LNX1: variants seen among roughly 807,000 people sequenced by gnomAD.
The protein encoded by LNX1 is E3 ubiquitin-protein ligase LNX.
A neutral mutation model predicts 68.4 loss-of-function variants in LNX1; 54 were observed. That is an observed-to-expected ratio of 0.79 (90% CI 0.63 to 0.99). LNX1 has a LOEUF of 0.99. LNX1 is among the 50% of genes least tolerant of loss of function. LNX1 has a pLI of 0.00. For synonymous variants in LNX1, 336 were observed against 350.0 expected (o/e 0.96, Z 0.45); for missense variants, 906 against 926.4 (o/e 0.98, Z 0.29).
chr4:53,608,134 A>C (rs2590799), intron 2 of LNX1, among the ~76,000 whole-genome samples: 63,942 of 151,948 alleles, frequency 0.42, 13,406 homozygotes, highest in Admixed American at 0.45. Context: ...AGTTAAACTA[A>C]TGAGCATCTA....
At chr4:53,528,658 T>C (rs1727799546) in intron 2 of LNX1, among the ~76,000 whole-genome samples, 1 of 129,338 alleles carries the variant, frequency 7.7e-6, no homozygotes, top group Non-Finnish European at 1.7e-5. Context: ...CTGAGGGTCT[T>C]AGAACACATT....
intron 7 of LNX1, among the ~76,000 whole-genome samples, chr4:53,481,406 A>G (rs374477815): frequency 2.6e-5 from 4 of 152,368 alleles, no homozygotes; most frequent in Non-Finnish European, 4.4e-5. Flanking sequence ...AGTGAATAAA[A>G]TAAGTCCTCA....
intron 6 of LNX1, among the ~76,000 whole-genome samples, chr4:53,485,599 C>T (rs1464949470): frequency 6.6e-6 from 1 of 152,214 alleles, no homozygotes; most frequent in Non-Finnish European, 1.5e-5. Context: ...ATCTGTGGCT[C>T]TTACCAGCCA....
At chr4:53,538,346 G>T (rs1217935498) in intron 2 of LNX1, among the ~76,000 whole-genome samples, 1 of 152,140 alleles carries the variant, frequency 6.6e-6, no homozygotes, top group Non-Finnish European at 1.5e-5. Context: ...AATACCTTCT[G>T]GCAGCAGAGT....
intron 2 of LNX1, among the ~76,000 whole-genome samples, chr4:53,525,270 T>C (rs59822487): frequency 0.12 from 18,740 of 152,070 alleles, 1,346 homozygotes; most frequent in African/African-American, 0.21. Flanking sequence ...TCATTTGAGG[T>C]CAGGAGTTTG....
chr4:53,634,039 T>G (rs1473339144), intron 1 of LNX1, among the ~76,000 whole-genome samples: 1 of 152,150 alleles, frequency 6.6e-6, no homozygotes. Context: ...CTGAAACCAT[T>G]GCAAATCAGC....
chr4:53,560,049 T>C (rs1730177161), intron 2 of LNX1, among the ~76,000 whole-genome samples: 1 of 152,180 alleles, frequency 6.6e-6, no homozygotes, highest in South Asian at 2.1e-4. Context: ...ATTCTTTTCT[T>C]ATCCCTTCTT....
At position 53,476,802 on chromosome 4, in the gene LNX1, G is replaced by A. The variant is rs765543354; in HGVS notation, c.1843C>T (p.Pro615Ser). 1.1e-5 allele frequency: 17 copies of A among 1,614,034 alleles called. No individual in the cohort carries two copies. Among genetic ancestry groups the A allele is most frequent in the Non-Finnish European group, 1.4e-5 (17 of 1,180,028 alleles). Residue 615 changes from proline to serine, a missense_variant, in exon 9 of 11, where the codon CCA (proline) becomes TCA (serine). Pro to Ser is a moderately conservative substitution (Grantham distance 74). Transcript: ENST00000263925. ...CAGGATGGGGACCAGTCACTGGGTG[G>A]GGCCATGTTGTGGTTGGAGTCCAGG... The part of the protein sequence containing the change: ...AALDSNHNMA[P>S]PSDWSPSWVM...
intron 2 of LNX1, among the ~76,000 whole-genome samples, chr4:53,541,214 A>T (rs946959514): frequency 5.9e-5 from 9 of 152,096 alleles, no homozygotes; most frequent in South Asian, 4.1e-4. Context: ...TGATTTCAGG[A>T]TTCTCTAGTG....
rs1484560004 is a variant in LNX1, at chr4:53,554,932, A to C, written c.380+18691T>G. The stretch of plus-strand genomic sequence containing the variant: ...TGGGCCACATGCCAAATTTGAATCC[A>C]TGTACTGGATTAGTTCCAGCGTCTG... On this transcript the variant is annotated intron_variant, in intron 2 of 10. Transcript: ENST00000263925. Among the ~76,000 whole-genome samples the C allele has an allele frequency of 2.6e-5, 4 of 152,156 alleles. No individual in the cohort carries two copies. The East Asian group carries it at 7.7e-4, about 29-fold the overall frequency.
At chr4:53,519,878 G>T (rs1727085170) in intron 2 of LNX1, among the ~76,000 whole-genome samples, 1 of 152,188 alleles carries the variant, frequency 6.6e-6, no homozygotes, top group South Asian at 2.1e-4. Flanking sequence ...ATCTCAGATT[G>T]CCCAGGACTG....
rs1478672074 is a variant in LNX1, at chr4:53,599,168, T to TA, written c.-214-7654_-214-7653insT. Among the ~76,000 whole-genome samples the TA allele has an allele frequency of 3.3e-5, 5 of 152,302 alleles. No individual in the cohort carries two copies. In the South Asian group the frequency reaches 1.0e-3, roughly 32 times the overall value. The stretch of plus-strand genomic sequence containing the variant: ...TGTGTAAAATAAGGCTGAGACCTAT[T>TA]GGGCTGCATTCCCAGACAGTTATGG... On this transcript the variant is annotated intron_variant, in intron 2 of 3. Transcript: ENST00000504299.
chr4:53,481,630 C>A, intron 7 of LNX1, 90 bp downstream of exon 7: 1 of 1,404,484 alleles, frequency 7.1e-7, no homozygotes, highest in South Asian at 1.4e-5. Context: ...GTAAAAAAGT[C>A]CAGAGATGAC....
At chr4:53,574,148 G>T in intron 1 of LNX1, 60 bp from the exon 2 acceptor site, 1 of 1,259,490 alleles carries the variant, frequency 7.9e-7, no homozygotes, top group Non-Finnish European at 1.1e-6. Flanking sequence ...TTATGCTTAT[G>T]GTAGACATGA....
At chr4:53,571,248 G>T (rs1731147882) in intron 2 of LNX1, among the ~76,000 whole-genome samples, 1 of 152,008 alleles carries the variant, frequency 6.6e-6, no homozygotes, top group Non-Finnish European at 1.5e-5. Flanking sequence ...TCAAACTCCT[G>T]ATCTCAAGTG....
intron 9 of LNX1, among the ~76,000 whole-genome samples, chr4:53,468,133 A>AG (rs1722846598): frequency 6.6e-6 from 1 of 152,244 alleles, no homozygotes; most frequent in African/African-American, 2.4e-5. Context: ...TCAGACTAAC[A>AG]GCTGATCTCT....
intron 6 of LNX1, among the ~76,000 whole-genome samples, chr4:53,489,470 T>C (rs1724540069): frequency 6.6e-6 from 1 of 152,214 alleles, no homozygotes; most frequent in African/African-American, 2.4e-5. Context: ...CTGAATCTGC[T>C]GGTGGCTGAG....
At chr4:53,531,854 T>C (rs1438659628) in intron 2 of LNX1, among the ~76,000 whole-genome samples, 1 of 152,224 alleles carries the variant, frequency 6.6e-6, no homozygotes, top group Non-Finnish European at 1.5e-5. Flanking sequence ...TGTTGCTCTT[T>C]GTTCTATCAC....
chr4:53,473,329 T>C (rs1289027816), intron 9 of LNX1, among the ~76,000 whole-genome samples: 2 of 152,000 alleles, frequency 1.3e-5, no homozygotes, highest in South Asian at 2.1e-4. Flanking sequence ...ACAGTGAGCA[T>C]TGAAGGAAAG....
Sources: allele counts gnomAD v4.1 joint callset (sites outside exome capture counted in the v4.1 genomes callset), GRCh38; gene constraint gnomAD v4.1.1; transcripts MANE v1.5; gene names NCBI Gene and HGNC (gene_info 2026-07-23, HGNC 2026-07-21).